The following DEPDC1 variants were observed in gnomAD, a reference collection of about 807,000 sequenced individuals.
The protein encoded by DEPDC1 is DEP domain containing 1, also known as DEP domain-containing protein 1A.
In DEPDC1, 66 loss-of-function variants were observed where a neutral mutation model predicts 86.8. The observed-to-expected ratio is 0.76, with a 90% CI of 0.62 to 0.93. The LOEUF (loss-of-function observed/expected upper bound fraction) is 0.93, where lower values mean the gene tolerates loss of function less well. Among genes scored for constraint, DEPDC1 ranks in the 40% least tolerant of loss-of-function variants. DEPDC1 has a pLI of 0.00. For synonymous variants in DEPDC1, 255 were observed against 314.9 expected (o/e 0.81, Z 2.02); for missense variants, 792 against 935.7 (o/e 0.85, Z 2.00).
Position 68,476,693 on chromosome 1 carries a change from G to A in DEPDC1, c.*239C>T, listed in dbSNP as rs1329005173. ...TAGCACACATCATGATAGCCTTACT[G>A]GATAGCTGTGTTAAAAACAAAAAGT... On this transcript the variant is annotated 3_prime_UTR_variant, in exon 12 of 12. Transcript: ENST00000456315. 1 of 337,056 alleles carries A rather than the reference G, an allele frequency of 3.0e-6. No homozygotes were observed. Among genetic ancestry groups the A allele is most frequent in the African/African-American group, 2.1e-5 (1 of 47,018 alleles). 20.9% of individuals were successfully genotyped at this position (337,056 alleles called of 1,614,324 possible).
chr1:68,485,875 A>G (rs1397938093), intron 6 of DEPDC1, among the ~76,000 whole-genome samples: 1 of 152,046 alleles, frequency 6.6e-6, no homozygotes, highest in Non-Finnish European at 1.5e-5. Context: ...CATTAATAAA[A>G]CCCTATTAGC....
intron 6 of DEPDC1, among the ~76,000 whole-genome samples, chr1:68,484,577 T>C (rs756718111): frequency 2.0e-5 from 3 of 151,970 alleles, no homozygotes; most frequent in Non-Finnish European, 4.4e-5. Context: ...ACCTACTCAT[T>C]TGTGTTTTCC....
At chr1:68,491,063 C>T (rs1557622427) in intron 2 of DEPDC1, among the ~76,000 whole-genome samples, 1 of 152,102 alleles carries the variant, frequency 6.6e-6, no homozygotes, top group Non-Finnish European at 1.5e-5. Flanking sequence ...AAGTGTAAAA[C>T]CCAAAACTAT....
intron 8 of DEPDC1, 94 bp downstream of exon 8, chr1:68,481,952 A>C: frequency 7.1e-6 from 9 of 1,263,558 alleles, no homozygotes; most frequent in Non-Finnish European, 8.5e-6. Flanking sequence ...AAAAAAAATT[A>C]AGCAACTTCA....
chr1:68,479,378 T>A, intron 9 of DEPDC1, 58 bp from the exon 10 acceptor site: 1 of 1,301,838 alleles, frequency 7.7e-7, no homozygotes, highest in Non-Finnish European at 1.0e-6. Flanking sequence ...CAAACTAGAA[T>A]ATCGGTAATT....
chr1:68,483,198 A>G, intron 7 of DEPDC1: 1 of 538,134 alleles, frequency 1.9e-6, no homozygotes, highest in Non-Finnish European at 3.5e-6. Context: ...TCAGTCTGCA[A>G]GTACTAGAAA....
intron 6 of DEPDC1, among the ~76,000 whole-genome samples, chr1:68,486,557 T>A (rs1646193865): frequency 6.6e-6 from 1 of 151,940 alleles, no homozygotes; most frequent in South Asian, 2.1e-4. Context: ...TTAATATATC[T>A]AGTATTCTAT....
intron 4 of DEPDC1, among the ~76,000 whole-genome samples, 192 bp downstream of exon 4, chr1:68,488,724 A>G (rs1360623228): frequency 6.6e-6 from 1 of 151,844 alleles, no homozygotes; most frequent in African/African-American, 2.4e-5. Flanking sequence ...AGAAAAGGTG[A>G]ATCATACCGA....
At chr1:68,479,115 C>G in intron 10 of DEPDC1, 29 bp downstream of exon 10, 1 of 1,568,372 alleles carries the variant, frequency 6.4e-7, no homozygotes. Flanking sequence ...CTGACTATTG[C>G]AGAGAATTTT....
chr1:68,482,576 T>G lies in DEPDC1; in HGVS notation c.1232A>C (p.Asp411Ala). 1 of 1,613,140 alleles carries G rather than the reference T, an allele frequency of 6.2e-7. No homozygotes were observed. Among genetic ancestry groups the G allele is most frequent in the Non-Finnish European group, 8.5e-7 (1 of 1,179,364 alleles). ...HNLIGLSNMH[D>A]LSSNSKPRCC... The stretch of plus-strand genomic sequence containing the variant: ...CCTTGGTTTGCTGTTAGAGGATAGA[T>G]CATGCATATTACTTAACCCTATTAA... The change falls in exon 8 of 12, where the codon GAT (aspartate) becomes GCT (alanine). Residue 411 changes from aspartate to alanine, a missense_variant. Transcript: ENST00000456315.
chr1:68,479,108 A>C, intron 10 of DEPDC1, 36 bp downstream of exon 10: 1 of 1,546,548 alleles, frequency 6.5e-7, no homozygotes, highest in Non-Finnish European at 8.8e-7. Context: ...CTTGCAACTG[A>C]CTATTGCAGA....
intron 5 of DEPDC1, among the ~76,000 whole-genome samples, chr1:68,487,206 G>A (rs1427145605): frequency 6.6e-6 from 1 of 151,910 alleles, no homozygotes; most frequent in African/African-American, 2.4e-5. Flanking sequence ...AAAAATTATG[G>A]ATTCTGAGTT....
intron 6 of DEPDC1, among the ~76,000 whole-genome samples, 163 bp from the exon 7 acceptor site, chr1:68,484,253 T>G (rs878972958): frequency 6.6e-6 from 1 of 152,100 alleles, no homozygotes; most frequent in South Asian, 2.1e-4. Context: ...TCTTCCTCAT[T>G]ATCTTTCCAC....
rs1646115870 is a variant in DEPDC1, at chr1:68,476,513, C to CT, written c.*418dup. ...TGAGTTTTCAAATATTCTTCACATT[C>CT]TTATACTTAGAAACAAAGAAGTAAC... is the stretch of plus-strand genomic sequence containing the variant. On this transcript the variant is annotated 3_prime_UTR_variant, in exon 12 of 12. Transcript: ENST00000456315. 6.6e-6 allele frequency: 1 copy of CT among 152,156 alleles called. No homozygotes were observed. Among genetic ancestry groups the CT allele is most frequent in the Non-Finnish European group, 1.5e-5 (1 of 68,338 alleles). 9.4% of individuals were successfully genotyped at this position (152,156 alleles called of 1,614,324 possible). A position where few individuals can be genotyped will look rare whatever the true frequency, so the allele number is the denominator to read the frequency against.
intron 2 of DEPDC1, among the ~76,000 whole-genome samples, chr1:68,493,265 G>A (rs538310347): frequency 6.6e-6 from 1 of 152,184 alleles, no homozygotes; most frequent in African/African-American, 2.4e-5. Context: ...TTGGTACATA[G>A]GAAACAATAA....
At chr1:68,492,777 A>T (rs1175248229) in intron 2 of DEPDC1, among the ~76,000 whole-genome samples, 3 of 152,212 alleles carry the variant, frequency 2.0e-5, no homozygotes, top group Non-Finnish European at 1.5e-5. Context: ...AGAGATGTGT[A>T]CAGATCAGAG....
intron 2 of DEPDC1, among the ~76,000 whole-genome samples, chr1:68,490,978 T>C (rs1646225481): frequency 6.6e-6 from 1 of 152,122 alleles, no homozygotes; most frequent in Admixed American, 6.6e-5. Context: ...AACTGGTAAG[T>C]TACATGCCGA....
Position 68,494,438 on chromosome 1 carries a change from C to T in DEPDC1, c.306G>A (p.Gln102=), listed in dbSNP as rs754106335. ...ACATATCTGTTCATTACCTGAAGAG[C>T]TGGTTGTTATCATCAACATTTTCTG... is the stretch of plus-strand genomic sequence containing the variant. The part of the protein sequence containing the change: ...WGSENVDDNN[Q]LFRFPATSPL... The change falls in exon 2 of 12, where the codon CAG becomes CAA. Residue 102 remains glutamine, a synonymous_variant. Transcript: ENST00000456315. The T allele has an allele frequency of 6.2e-7, 1 of 1,613,082 alleles. No homozygotes were observed. Among genetic ancestry groups the T allele is most frequent in the South Asian group, 1.1e-5 (1 of 90,958 alleles).
chr1:68,474,550 T>C lies in DEPDC1; in HGVS notation c.*2382A>G, dbSNP rs1646102047. On this transcript the variant is annotated 3_prime_UTR_variant, in exon 12 of 12. Coordinates refer to ENST00000456315, the MANE Select transcript of DEPDC1 (RefSeq NM_001114120.3). ...ACATCATCTGATCTGGTGAAACCTG[T>C]GCATTCCCACAATTAGGCTTTTTCA... 1 of 152,106 alleles carries C rather than the reference T, an allele frequency of 6.6e-6. No homozygotes were observed. The highest frequency in any genetic ancestry group is 2.4e-5 in the African/African-American group (1 of 41,446). 9.4% of individuals were successfully genotyped at this position (152,106 alleles called of 1,614,324 possible).
Sources: allele counts gnomAD v4.1 joint callset (sites outside exome capture counted in the v4.1 genomes callset), GRCh38; gene constraint gnomAD v4.1.1; transcripts MANE v1.5; gene names NCBI Gene and HGNC (gene_info 2026-07-23, HGNC 2026-07-21).